The following PTPRD variants were observed in gnomAD, a reference collection of about 807,000 sequenced individuals.
The protein encoded by PTPRD is protein tyrosine phosphatase receptor type D.
Under a neutral mutation model 214.5 loss-of-function variants are expected in PTPRD, and 34 were observed. The ratio of observed to expected loss-of-function variants is 0.16; its 90% CI spans 0.12 to 0.21. The LOEUF (loss-of-function observed/expected upper bound fraction) is 0.21, where lower values mean the gene tolerates loss of function less well. Among genes scored for constraint, PTPRD ranks in the 10% least tolerant of loss-of-function variants. PTPRD has a pLI of 1.00. For missense variants in PTPRD, 2,545 were observed against 2,398.7 expected (o/e 1.06, Z -1.27); for synonymous variants, 1,128 against 845.7 (o/e 1.33, Z -5.79).
chr9:9,828,815 A>T (rs1246997856), intron 5 of PTPRD, among the ~76,000 whole-genome samples: 1 of 151,818 alleles, frequency 6.6e-6, no homozygotes, highest in African/African-American at 2.4e-5. Flanking sequence ...GTTATTGGTA[A>T]TTAAAAGCAT....
intron 10 of PTPRD, among the ~76,000 whole-genome samples, chr9:9,124,887 T>C (rs554005585): frequency 6.6e-6 from 1 of 152,286 alleles, no homozygotes; most frequent in Admixed American, 6.5e-5. Context: ...TGGACATACT[T>C]GACAGCAGGA....
intron 5 of PTPRD, among the ~76,000 whole-genome samples, chr9:9,925,350 AG>A (rs2083900660): frequency 6.6e-6 from 1 of 152,070 alleles, no homozygotes; most frequent in East Asian, 1.9e-4. Flanking sequence ...ATATAGTCAA[AG>A]TTGAGTTTTT....
chr9:9,420,683 A>G (rs2078450910), intron 8 of PTPRD, among the ~76,000 whole-genome samples: 1 of 151,912 alleles, frequency 6.6e-6, no homozygotes, highest in Non-Finnish European at 1.5e-5. Context: ...GAGCAAATAA[A>G]GTACTCACCT....
intron 12 of PTPRD, among the ~76,000 whole-genome samples, chr9:8,696,106 G>C (rs1023106116): frequency 6.6e-6 from 1 of 152,198 alleles, no homozygotes; most frequent in East Asian, 1.9e-4. Flanking sequence ...GACATCTTCA[G>C]AGGCAGCAGA....
In PTPRD at chr9:9,735,245, A is replaced by G. The variant is rs146491407; in HGVS notation, c.-325-674T>C. ...TGTTGTCTTGTGTAAAGAAAATGGC[A>G]AACATTGTGAGGCCTTTTGCAAATA... is the stretch of plus-strand genomic sequence containing the variant. On this transcript the variant is annotated intron_variant, in intron 6 of 45. Transcript: ENST00000381196. Among the ~76,000 whole-genome samples, 35 of 152,242 alleles carry G rather than the reference A, an allele frequency of 2.3e-4. 1 individual carries two copies. In the East Asian group the frequency reaches 6.2e-3, roughly 27 times the overall value.
chr9:9,593,026 G>C (rs958138725), intron 7 of PTPRD, among the ~76,000 whole-genome samples: 2 of 150,872 alleles, frequency 1.3e-5, no homozygotes, highest in Non-Finnish European at 3.0e-5. Context: ...GCCTGGGTGA[G>C]AGAGCAAGAC....
intron 8 of PTPRD, among the ~76,000 whole-genome samples, chr9:9,514,387 G>C (rs868673591): frequency 4.6e-5 from 7 of 152,056 alleles, no homozygotes; most frequent in Non-Finnish European, 7.4e-5. Flanking sequence ...TGTCAGTTTG[G>C]AGCTGTGTGT....
rs546432087 is a variant in PTPRD, at chr9:10,325,063, G to A, written c.-545+15900C>T. On this transcript the variant is annotated intron_variant, in intron 3 of 45. Coordinates refer to ENST00000381196, the MANE Select transcript of PTPRD (RefSeq NM_002839.4). The stretch of plus-strand genomic sequence containing the variant: ...TTAAAGTTGGTACTCAGGTCCAGGT[G>A]GCTCTAGGTTTCACCTCCTCCCCAA... 5.5e-4 allele frequency among the ~76,000 whole-genome samples: 83 copies of A among 152,116 alleles called. 1 individual carries two copies. Among genetic ancestry groups the A allele is most frequent in the African/African-American group, 1.9e-3 (79 of 41,554 alleles).
chr9:9,351,313 C>G (rs1420006860), intron 9 of PTPRD, among the ~76,000 whole-genome samples: 3 of 151,950 alleles, frequency 2.0e-5, no homozygotes, highest in Admixed American at 2.0e-4. Context: ...TAACTGGCAC[C>G]TGAATTCCTG....
At chr9:9,213,355 A>T (rs941148656) in intron 9 of PTPRD, among the ~76,000 whole-genome samples, 1 of 152,190 alleles carries the variant, frequency 6.6e-6, no homozygotes, top group Non-Finnish European at 1.5e-5. Context: ...TGATGCATAG[A>T]CATCAACGAA....
intron 2 of PTPRD, among the ~76,000 whole-genome samples, chr9:10,572,556 C>T (rs1434088725): frequency 6.6e-6 from 1 of 152,240 alleles, no homozygotes; most frequent in South Asian, 2.1e-4. Context: ...CAAGTGAAAT[C>T]CATAGCATAA....
intron 4 of PTPRD, among the ~76,000 whole-genome samples, chr9:9,939,430 C>T (rs1360329454): frequency 1.3e-5 from 2 of 152,096 alleles, no homozygotes; most frequent in Admixed American, 6.6e-5. Context: ...CTATGTCTGC[C>T]TCCCCAAGAT....
intron 12 of PTPRD, among the ~76,000 whole-genome samples, chr9:8,655,882 G>A (rs1346301544): frequency 6.6e-6 from 1 of 151,844 alleles, no homozygotes; most frequent in Non-Finnish European, 1.5e-5. Flanking sequence ...CAAGAAACGT[G>A]CAGTTGCAAT....
intron 14 of PTPRD, among the ~76,000 whole-genome samples, chr9:8,536,455 A>ATG (rs1320194836): frequency 1.3e-5 from 2 of 151,878 alleles, no homozygotes; most frequent in Non-Finnish European, 2.9e-5. Context: ...AAATGTATAT[A>ATG]TGTGTGTGTG....
intron 8 of PTPRD, among the ~76,000 whole-genome samples, chr9:9,456,081 A>T (rs2092956288): frequency 6.6e-6 from 1 of 151,872 alleles, no homozygotes; most frequent in Non-Finnish European, 1.5e-5. Flanking sequence ...GAAATATAAC[A>T]CTTTTTCCAA....
At chr9:8,767,915 A>G (rs140566435) in intron 11 of PTPRD, among the ~76,000 whole-genome samples, 138 of 152,334 alleles carry the variant, frequency 9.1e-4, no homozygotes, top group African/African-American at 3.1e-3. Flanking sequence ...GGAAACATAT[A>G]TAACTAAACA....
At chr9:8,539,668 A>G (rs2077858578) in intron 14 of PTPRD, among the ~76,000 whole-genome samples, 1 of 152,018 alleles carries the variant, frequency 6.6e-6, no homozygotes, top group Non-Finnish European at 1.5e-5. Flanking sequence ...ATATTCCTGG[A>G]AAAGAGTCAC....
chr9:8,964,956 T>C (rs907205212), intron 11 of PTPRD, among the ~76,000 whole-genome samples: 1 of 152,136 alleles, frequency 6.6e-6, no homozygotes, highest in Non-Finnish European at 1.5e-5. Context: ...TGAGACTTGC[T>C]TTATGACCAA....
chr9:8,590,431 G>A (rs907720982), intron 14 of PTPRD, among the ~76,000 whole-genome samples: 1 of 152,084 alleles, frequency 6.6e-6, no homozygotes, highest in African/African-American at 2.4e-5. Context: ...CAGAGGGTGG[G>A]TAGAAAGTTG....
Sources: gnomAD v4.1 joint callset for allele counts (sites outside exome capture counted in the v4.1 genomes callset) on GRCh38, gnomAD v4.1.1 for gene constraint, MANE v1.5 for transcripts, NCBI Gene and HGNC (gene_info 2026-07-23, HGNC 2026-07-21) for gene names.